Variants in PDE4D observed in about 807,000 individuals in gnomAD.
PDE4D encodes the protein 3',5'-cyclic-AMP phosphodiesterase 4D.
Under a neutral mutation model 87.4 loss-of-function variants are expected in PDE4D, and 24 were observed. That is an observed-to-expected ratio of 0.27 (90% CI 0.20 to 0.39). The LOEUF is 0.39. Ranked by LOEUF, PDE4D falls within the 10% of genes least tolerant of loss-of-function variation. The probability of loss-of-function intolerance (pLI) is 1.00; values close to 1 mark genes in which losing one functional copy is unlikely to be tolerated. For missense variants in PDE4D, 714 were observed against 1,041.0 expected, an observed-to-expected ratio of 0.69 and a Z score of 4.32; for synonymous variants, 384 against 383.2, an observed-to-expected ratio of 1.00 and a Z score of -0.02.
At chr5:59,507,679 A>AAAAAAGAAAAG (rs61334148) in intron 1 of PDE4D, among the ~76,000 whole-genome samples, 8,063 of 117,764 alleles carry the variant, frequency 0.068, 991 homozygotes, top group African/African-American at 0.23. Context: ...AAAAAAAAAA[A>AAAAAAGAAAAG]AAAAGAAAAG....
At chr5:59,104,903 C>T (rs1426320035) in intron 5 of PDE4D, among the ~76,000 whole-genome samples, 1 of 152,216 alleles carries the variant, frequency 6.6e-6, no homozygotes, top group East Asian at 1.9e-4. Context: ...CAACAGGAAG[C>T]TCAGCTTGCC....
At chr5:59,505,840 A>G in intron 1 of PDE4D, among the ~76,000 whole-genome samples, 1 of 152,194 alleles carries the variant, frequency 6.6e-6, no homozygotes. Context: ...TTAGGAAAGA[A>G]GCACATTTTT....
chr5:60,312,662 A>G (rs1439723801), intron 1 of PDE4D, among the ~76,000 whole-genome samples: 1 of 152,194 alleles, frequency 6.6e-6, no homozygotes, highest in Admixed American at 6.5e-5. Flanking sequence ...CCATGATCCA[A>G]TAACCTCCAC....
intron 1 of PDE4D, among the ~76,000 whole-genome samples, chr5:59,243,341 C>G (rs1042737360): frequency 4.7e-4 from 70 of 149,050 alleles, no homozygotes; most frequent in African/African-American, 1.7e-3. Flanking sequence ...ACAAGAGTGT[C>G]GGACTAGACA....
At position 59,542,183 on chromosome 5, in the gene PDE4D, C is replaced by A. The variant is rs558027409; in HGVS notation, c.456-326215G>T. Among the ~76,000 whole-genome samples, 27 of 152,172 alleles carry A rather than the reference C, an allele frequency of 1.8e-4. No homozygotes were observed. In the East Asian group the frequency reaches 2.5e-3, roughly 14 times the overall value. ...ATCCTAGTGCTATTTTTTTCTCTGC[C>A]AAGTTCTGATTTCTTTTCCAGTCCC... On this transcript the variant is annotated intron_variant, in intron 1 of 14. Transcript: ENST00000340635.
chr5:59,356,658 C>T (rs561781070), intron 1 of PDE4D: 433 of 863,724 alleles, frequency 5.0e-4, no homozygotes, highest in Non-Finnish European at 7.0e-4. Context: ...ATTTAACAAG[C>T]ATTAGGAGTT....
intron 2 of PDE4D, among the ~76,000 whole-genome samples, chr5:60,076,033 T>A (rs895246341): frequency 2.6e-5 from 4 of 152,224 alleles, no homozygotes; most frequent in Non-Finnish European, 4.4e-5. Flanking sequence ...TCAGCCCAGT[T>A]AAGAACTCTT....
intron 2 of PDE4D, among the ~76,000 whole-genome samples, chr5:60,109,690 G>T (rs562548974): frequency 2.0e-5 from 3 of 152,330 alleles, no homozygotes; most frequent in Admixed American, 2.0e-4. Context: ...CATAAAAAAT[G>T]ATGAGTTCAC....
rs542716379 is a variant in PDE4D, at chr5:59,549,407, G to C, written c.456-333439C>G. On this transcript the variant is annotated intron_variant, in intron 1 of 14. Transcript: ENST00000340635. ...TGTTAGCTAGAAATAAGAGTAGAGT[G>C]ACATTCGTTTGATTAGAGCAGAACC... Among the ~76,000 whole-genome samples, 9 of 152,254 alleles carry C rather than the reference G, an allele frequency of 5.9e-5. No individual in the cohort carries two copies. In the East Asian group the frequency reaches 1.7e-3, roughly 29 times the overall value.
chr5:59,276,675 C>T (rs1214048343), intron 1 of PDE4D, among the ~76,000 whole-genome samples: 1 of 151,946 alleles, frequency 6.6e-6, no homozygotes, highest in Non-Finnish European at 1.5e-5. Context: ...AAGGCTGTTC[C>T]CTTGCACAAT....
chr5:60,231,289 G>A (rs918877511), intron 1 of PDE4D, among the ~76,000 whole-genome samples: 3 of 151,954 alleles, frequency 2.0e-5, no homozygotes, highest in African/African-American at 7.2e-5. Context: ...CATCAGTCTT[G>A]TGAGATGCAA....
At chr5:60,412,168 C>G (rs933283485) in intron 1 of PDE4D, among the ~76,000 whole-genome samples, 1 of 152,048 alleles carries the variant, frequency 6.6e-6, no homozygotes, top group African/African-American at 2.4e-5. Flanking sequence ...TACAATTATA[C>G]GTGTCTTCAA....
chr5:59,860,503 AT>A (rs1212433397), intron 1 of PDE4D, among the ~76,000 whole-genome samples: 20 of 152,332 alleles, frequency 1.3e-4, no homozygotes, highest in Admixed American at 9.1e-4. Context: ...TATTGTAATA[AT>A]TTAGTGACAA....
upstream of PDE4D, chr5:60,488,482 A>T (rs1749330517): frequency 6.6e-6 from 1 of 151,642 alleles, no homozygotes; most frequent in Non-Finnish European, 1.5e-5. Context: ...AGTGATAAGC[A>T]TAAAGTCGCT....
Position 58,991,855 on chromosome 5 carries a change from C to A in PDE4D, c.1165G>T (p.Glu389Ter). 6.6e-7 allele frequency: 1 copy of A among 1,515,882 alleles called. No individual in the cohort carries two copies. Among genetic ancestry groups the A allele is most frequent in the Non-Finnish European group, 8.8e-7 (1 of 1,134,698 alleles). 93.9% of individuals were successfully genotyped at this position (1,515,882 alleles called of 1,614,324 possible). A position where few individuals can be genotyped will look rare whatever the true frequency, so the allele number is the denominator to read the frequency against. The change falls in exon 8 of 15, where the codon GAA becomes TAA. Residue 389 changes from glutamate (E) to a stop codon, truncating the protein, a stop_gained. Coordinates refer to ENST00000340635, the MANE Select transcript of PDE4D (RefSeq NM_001104631.2). LOFTEE classifies it high-confidence loss of function. ...ACCTTGGCAAGGACATCTTCTTGTT[C>A]AGTTTTAACTCCAAACCTTGGGATA... Reference protein sequence around the residue: ...SSIPRFGVKTEQEDVLAKELE... With the variant: ...SSIPRFGVKT
In PDE4D at chr5:59,884,673, C is replaced by T. The variant is rs527310856; in HGVS notation, c.455+8495G>A. On this transcript the variant is annotated intron_variant, in intron 1 of 14. Coordinates refer to ENST00000340635, the MANE Select transcript of PDE4D (RefSeq NM_001104631.2). ...GTTTCTAAACATAGAATTAATGGGA[C>T]AAAAGTATGCACATTAAAATATTGA... is the stretch of plus-strand genomic sequence containing the variant. Among the ~76,000 whole-genome samples, 16 of 152,004 alleles carry T rather than the reference C, an allele frequency of 1.1e-4. No individual in the cohort carries two copies. The East Asian group carries it at 3.1e-3, about 29-fold the overall frequency.
At chr5:59,701,037 G>A (rs1230398860) in intron 1 of PDE4D, among the ~76,000 whole-genome samples, 4 of 152,122 alleles carry the variant, frequency 2.6e-5, no homozygotes, top group African/African-American at 9.7e-5. Context: ...TGGCTCACAA[G>A]GTCCCCAGAA....
chr5:59,580,869 T>A (rs1191744857), intron 1 of PDE4D, among the ~76,000 whole-genome samples: 2 of 152,182 alleles, frequency 1.3e-5, no homozygotes, highest in African/African-American at 4.8e-5. Flanking sequence ...GAGTGCTTTT[T>A]TTAAATTATT....
intron 1 of PDE4D, among the ~76,000 whole-genome samples, chr5:59,737,005 A>T (rs1758162281): frequency 6.6e-6 from 1 of 152,212 alleles, no homozygotes; most frequent in African/African-American, 2.4e-5. Context: ...GCATAATATA[A>T]TATGAAAAAT....
Sources: gnomAD v4.1 joint callset for allele counts (sites outside exome capture counted in the v4.1 genomes callset) on GRCh38, gnomAD v4.1.1 for gene constraint, MANE v1.5 for transcripts, NCBI Gene and HGNC (gene_info 2026-07-23, HGNC 2026-07-21) for gene names.